The following TBC1D13 variants were observed in gnomAD, a reference collection of about 807,000 sequenced individuals.
The protein encoded by TBC1D13 is TBC1 domain family member 13.
A neutral mutation model predicts 53.6 loss-of-function variants in TBC1D13; 40 were observed. The ratio of observed to expected loss-of-function variants is 0.75; its 90% CI spans 0.58 to 0.97. The LOEUF is 0.97. Ranked by LOEUF, TBC1D13 falls within the 50% of genes least tolerant of loss-of-function variation. The probability of loss-of-function intolerance (pLI) is 0.00; values close to 1 mark genes in which losing one functional copy is unlikely to be tolerated. For missense variants in TBC1D13, 377 were observed against 499.4 expected (o/e 0.75, Z 2.34); for synonymous variants, 182 against 197.7 (o/e 0.92, Z 0.67).
intron 1 of TBC1D13, among the ~76,000 whole-genome samples, chr9:128,787,871 G>C (rs183894391): frequency 2.8e-4 from 43 of 152,162 alleles, no homozygotes; most frequent in Admixed American, 9.2e-4. Flanking sequence ...CTTGCCTTCT[G>C]GCAGGCCCAG....
chr9:128,793,864 A>AAG, intron 6 of TBC1D13, among the ~76,000 whole-genome samples: 1 of 152,310 alleles, frequency 6.6e-6, no homozygotes. Context: ...GCTCCTTCTC[A>AAG]AGGAATGGCC....
intron 7 of TBC1D13, 132 bp downstream of exon 7, chr9:128,797,346 GC>G: frequency 2.1e-6 from 2 of 958,054 alleles, no homozygotes; most frequent in Non-Finnish European, 1.5e-6. Flanking sequence ...TCCTGATGCT[GC>G]CAGATCCTGG....
chr9:128,806,329 C>T lies in TBC1D13; in HGVS notation c.1137+18C>T, dbSNP rs578208526. On this transcript the variant is annotated intron_variant, in intron 11 of 11. Coordinates refer to ENST00000372648, the MANE Select transcript of TBC1D13 (RefSeq NM_018201.5). ...TGCTGCAGGTAATGGGAGTTGGGGG[C>T]AGGCTCAGCCACTGCCATGAGGCTG... 6.2e-7 allele frequency: 1 copy of T among 1,613,818 alleles called. No homozygotes were observed. Among genetic ancestry groups the T allele is most frequent in the South Asian group, 1.1e-5 (1 of 91,086 alleles).
rs150254670 is a variant in TBC1D13, at chr9:128,804,028, G to T, written c.827G>T (p.Ser276Ile). 1.4e-5 allele frequency: 22 copies of T among 1,614,002 alleles called. No individual in the cohort carries two copies. Among genetic ancestry groups the T allele is most frequent in the Non-Finnish European group, 1.7e-5 (20 of 1,180,052 alleles). The part of the protein sequence containing the change: ...MAEIRDNFIK[S>I]LDDSQCGITY... ...GAGATCCGGGACAACTTTATCAAGAGCCTGGATGACTCGCAGTGTGGCATC... is the reference window on the plus strand; with the variant it reads ...GAGATCCGGGACAACTTTATCAAGATCCTGGATGACTCGCAGTGTGGCATC... The change falls in exon 9 of 12, where the codon AGC (serine) becomes ATC (isoleucine). Residue 276 changes from serine (S) to isoleucine (I), a missense_variant. Ser to Ile is a moderately radical substitution (Grantham distance 142). Coordinates refer to ENST00000372648, the MANE Select transcript of TBC1D13 (RefSeq NM_018201.5).
In TBC1D13 at chr9:128,805,917, C is replaced by G; in HGVS notation, c.977C>G (p.Ser326Cys). 6.2e-7 allele frequency: 1 copy of G among 1,614,192 alleles called. No individual in the cohort carries two copies. The highest frequency in any genetic ancestry group is 8.5e-7 in the Non-Finnish European group (1 of 1,180,050). Reference protein sequence around the residue: ...FAFRWLTLLLSQEFLLPDVIR... With the variant: ...FAFRWLTLLLCQEFLLPDVIR... ...TTCCGCTGGCTGACACTGCTGCTGT[C>G]CCAGGAGTTCTTGCTGCCTGACGTC... Residue 326 changes from serine to cysteine, a missense_variant, in exon 10 of 12, where the codon TCC (serine) becomes TGC (cysteine). Ser to Cys is a moderately radical substitution (Grantham distance 112). Transcript: ENST00000372648.
intron 2 of TBC1D13, chr9:128,789,803 A>ATG (rs202018659): frequency 1.1e-3 from 7 of 6,430 alleles, no homozygotes; most frequent in Non-Finnish European, 2.2e-3. Flanking sequence ...ATATATATAT[A>ATG]TATATATATA....
rs1829914319 is a variant in TBC1D13, at chr9:128,809,783, A to G, written c.*1904A>G. On this transcript the variant is annotated 3_prime_UTR_variant, in exon 12 of 12. Transcript: ENST00000372648. Reference sequence around the variant, plus strand: ...TGGCTGAGCGGGCTCTGAGTTCTGTACTGGAATTGAGTGTAAAGATGGGAA... The same window carrying G: ...TGGCTGAGCGGGCTCTGAGTTCTGTGCTGGAATTGAGTGTAAAGATGGGAA... The G allele has an allele frequency of 1.3e-5, 2 of 152,132 alleles. No individual in the cohort carries two copies. The highest frequency in any genetic ancestry group is 4.8e-5 in the African/African-American group (2 of 41,402). 9.4% of individuals were successfully genotyped at this position (152,132 alleles called of 1,614,324 possible).
At position 128,804,069 on chromosome 9, in the gene TBC1D13, A is replaced by G; in HGVS notation, c.868A>G (p.Lys290Glu). Residue 290 changes from lysine to glutamate, a missense_variant, in exon 9 of 12, where the codon AAG becomes GAG. Transcript: ENST00000372648. Reference sequence around the variant, plus strand: ...GTGTGGCATCACCTACAAGATGGAGAAGGTTTACTCCACCTTGAAAGATAA... The same window carrying G: ...GTGTGGCATCACCTACAAGATGGAGGAGGTTTACTCCACCTTGAAAGATAA... ...SQCGITYKME[K>E]VYSTLKDKDV... The G allele has an allele frequency of 3.1e-6, 5 of 1,614,064 alleles. No homozygotes were observed. Among genetic ancestry groups the G allele is most frequent in the Non-Finnish European group, 4.2e-6 (5 of 1,180,018 alleles).
At chr9:128,787,438 C>T (rs1829441215) in intron 1 of TBC1D13, 62 bp downstream of exon 1, 4 of 1,244,892 alleles carry the variant, frequency 3.2e-6, no homozygotes, top group Non-Finnish European at 4.1e-6. Flanking sequence ...CCTTCTGCCC[C>T]TCAGAAGGGG....
At chr9:128,800,570 G>A (rs1477969043) in intron 7 of TBC1D13, among the ~76,000 whole-genome samples, 1 of 151,474 alleles carries the variant, frequency 6.6e-6, no homozygotes, top group East Asian at 1.9e-4. Context: ...TTTTGGCCAG[G>A]GTGGTCTCGA....
chr9:128,792,586 G>A lies in TBC1D13; in HGVS notation c.383+12G>A, dbSNP rs1829554553. ...GACAAAGATGTCCGGTAGGCAGGGT[G>A]CCTGGGGCCGGGAGCTGGCCCATGG... On this transcript the variant is annotated intron_variant, in intron 6 of 11. Transcript: ENST00000372648. 4 of 1,613,210 alleles carry A rather than the reference G, an allele frequency of 2.5e-6. No individual in the cohort carries two copies. Among genetic ancestry groups the A allele is most frequent in the East Asian group, 4.5e-5 (2 of 44,836 alleles).
chr9:128,808,076 C>T lies in TBC1D13; in HGVS notation c.*197C>T. On this transcript the variant is annotated 3_prime_UTR_variant, in exon 12 of 12. Coordinates refer to ENST00000372648, the MANE Select transcript of TBC1D13 (RefSeq NM_018201.5). ...CGCCCAGCTCCCCACCTGCCCTGCA[C>T]TCTGCCCTCTTTGCCCAGGATACTG... The T allele has an allele frequency of 1.7e-6, 1 of 595,484 alleles. No homozygotes were observed. The highest frequency in any genetic ancestry group is 3.0e-6 in the Non-Finnish European group (1 of 330,238). The allele number at this position is 595,484 out of a possible 1,614,324, so 36.9% of individuals were successfully genotyped here. A position where few individuals can be genotyped will look rare whatever the true frequency, so the allele number is the denominator to read the frequency against.
chr9:128,794,947 G>C (rs575127481), intron 6 of TBC1D13, among the ~76,000 whole-genome samples: 1 of 151,662 alleles, frequency 6.6e-6, no homozygotes, highest in Non-Finnish European at 1.5e-5. Flanking sequence ...CTCTGTCTTG[G>C]ACATCTTTCC....
In TBC1D13 at chr9:128,804,196, G is replaced by T. The variant is rs564715912; in HGVS notation, c.918+77G>T. The T allele has an allele frequency of 1.1e-5, 17 of 1,541,080 alleles. No individual in the cohort carries two copies. In the South Asian group the frequency reaches 1.6e-4, roughly 14 times the overall value. Reference sequence around the variant, plus strand: ...CTGTGCCATCCCAGCCCAGGGCGAGGTCTCGCTTGAGTCTGGGGGTCAGAA... The same window carrying T: ...CTGTGCCATCCCAGCCCAGGGCGAGTTCTCGCTTGAGTCTGGGGGTCAGAA... On this transcript the variant is annotated intron_variant, in intron 9 of 11. Coordinates refer to ENST00000372648, the MANE Select transcript of TBC1D13 (RefSeq NM_018201.5).
At chr9:128,795,606 G>A (rs1057511598) in intron 6 of TBC1D13, among the ~76,000 whole-genome samples, 1 of 151,542 alleles carries the variant, frequency 6.6e-6, no homozygotes, top group Admixed American at 6.6e-5. Context: ...GACTACAGGT[G>A]CCCGACACCA....
chr9:128,804,059 C>T lies in TBC1D13; in HGVS notation c.858C>T (p.Tyr286=), dbSNP rs761002880. ...SLDDSQCGIT[Y]KMEKVYSTLK... The stretch of plus-strand genomic sequence containing the variant: ...ATGACTCGCAGTGTGGCATCACCTA[C>T]AAGATGGAGAAGGTTTACTCCACCT... Residue 286 remains tyrosine (Y), a synonymous_variant, in exon 9 of 12, where the codon TAC becomes TAT. Transcript: ENST00000372648. 1 of 1,614,130 alleles carries T rather than the reference C, an allele frequency of 6.2e-7. No individual in the cohort carries two copies. Among genetic ancestry groups the T allele is most frequent in the Non-Finnish European group, 8.5e-7 (1 of 1,180,032 alleles).
chr9:128,791,137 T>C (rs1829524998), intron 3 of TBC1D13, among the ~76,000 whole-genome samples: 1 of 151,990 alleles, frequency 6.6e-6, no homozygotes. Context: ...GGTCTGATGA[T>C]CATGTGGAAG....
At chr9:128,787,413 C>T in intron 1 of TBC1D13, 37 bp downstream of exon 1, 1 of 1,251,702 alleles carries the variant, frequency 8.0e-7, no homozygotes, top group East Asian at 3.1e-5. Flanking sequence ...CTGGGCCACT[C>T]CTGGCCAGGC....
chr9:128,788,348 A>G lies in TBC1D13; in HGVS notation c.38A>G (p.Gln13Arg), dbSNP rs780704519. 2 of 1,614,152 alleles carry G rather than the reference A, an allele frequency of 1.2e-6. No homozygotes were observed. Among genetic ancestry groups the G allele is most frequent in the South Asian group, 1.1e-5 (1 of 91,080 alleles). The change falls in exon 2 of 12, where the codon CAG becomes CGG. Residue 13 changes from glutamine to arginine, a missense_variant. Gln to Arg is a conservative substitution (Grantham distance 43, BLOSUM62 1). Coordinates refer to ENST00000372648, the MANE Select transcript of TBC1D13 (RefSeq NM_018201.5). ...SLHKSRIADF[Q>R]DVLKEPSIAL... ...TCCCCTTCCAGAATTGCAGATTTCC[A>G]GGATGTCCTGAAGGAGCCCTCAATT...
Sources: gnomAD v4.1 joint callset for allele counts (sites outside exome capture counted in the v4.1 genomes callset) on GRCh38, gnomAD v4.1.1 for gene constraint, MANE v1.5 for transcripts, NCBI Gene and HGNC (gene_info 2026-07-23, HGNC 2026-07-21) for gene names.